Variants in MANSC1 observed in about 807,000 individuals in gnomAD.
MANSC1 encodes the protein MANSC domain-containing protein 1.
MANSC1 carries 13 observed loss-of-function variants against 14.1 expected under a neutral mutation model. The observed-to-expected ratio is 0.92, with a 90% CI of 0.60 to 1.46. MANSC1 has a LOEUF of 1.46. Among genes scored for constraint, MANSC1 ranks in the 40% most tolerant of loss-of-function variants. The pLI is 0.00. For synonymous variants in MANSC1, 227 were observed against 200.7 expected, an observed-to-expected ratio of 1.13 and a Z score of -1.11; for missense variants, 486 against 511.4, an observed-to-expected ratio of 0.95 and a Z score of 0.48.
Position 12,330,556 on chromosome 12 carries a change from G to A in MANSC1, c.767C>T (p.Pro256Leu). The A allele has an allele frequency of 1.9e-6, 3 of 1,614,196 alleles. No homozygotes were observed. Among genetic ancestry groups the A allele is most frequent in the South Asian group, 1.1e-5 (1 of 91,080 alleles). Residue 256 changes from proline (P) to leucine (L), a missense_variant, in exon 4 of 4, where the codon CCT becomes CTT. Transcript: ENST00000535902. ...TLLPTNASVT[P>L]SGTSQPQLAT... The stretch of plus-strand genomic sequence containing the variant: ...CAGCTGTGGCTGGGAAGTCCCAGAA[G>A]GTGTCACTGAAGCATTGGTGGGTAG...
intron 1 of MANSC1, among the ~76,000 whole-genome samples, chr12:12,344,455 C>T (rs1862977543): frequency 6.6e-6 from 1 of 151,402 alleles, no homozygotes; most frequent in Non-Finnish European, 1.5e-5. Context: ...GAGAGACTGG[C>T]CTGGCCTCCC....
At chr12:12,338,750 G>T in intron 2 of MANSC1, 190 bp from the exon 3 acceptor site, 1 of 615,344 alleles carries the variant, frequency 1.6e-6, no homozygotes, top group East Asian at 3.0e-5. Flanking sequence ...AAAAAACATT[G>T]GGTTTAGCTT....
intron 3 of MANSC1, among the ~76,000 whole-genome samples, chr12:12,333,000 TTCTAC>T (rs1862812172): frequency 6.6e-6 from 1 of 152,020 alleles, no homozygotes; most frequent in Non-Finnish European, 1.5e-5. Flanking sequence ...GGATATAGTA[TTCTAC>T]TCTAAAGTAG....
At chr12:12,332,494 A>C (rs1862802750) in intron 3 of MANSC1, among the ~76,000 whole-genome samples, 1 of 152,118 alleles carries the variant, frequency 6.6e-6, no homozygotes, top group Admixed American at 6.5e-5. Flanking sequence ...TATGACTTGC[A>C]AGCTAAGAAT....
intron 1 of MANSC1, among the ~76,000 whole-genome samples, chr12:12,349,512 G>A (rs1423797826): frequency 1.3e-5 from 2 of 152,192 alleles, no homozygotes; most frequent in African/African-American, 4.8e-5. Context: ...TTAAGGGCCT[G>A]AAGTCGAGTT....
At chr12:12,332,533 TG>T (rs1207353234) in intron 3 of MANSC1, among the ~76,000 whole-genome samples, 2 of 152,318 alleles carry the variant, frequency 1.3e-5, no homozygotes, top group East Asian at 3.9e-4. Flanking sequence ...AATTTTTATT[TG>T]TTTTGAGACA....
chr12:12,338,890 A>ACACACACAC (rs1555141160), intron 2 of MANSC1: 15 of 192,920 alleles, frequency 7.8e-5, no homozygotes, highest in East Asian at 1.7e-4. Flanking sequence ...CACACACACA[A>ACACACACAC]ACACACACAC....
At chr12:12,338,802 T>A in intron 2 of MANSC1, 1 of 554,878 alleles carries the variant, frequency 1.8e-6, no homozygotes, top group South Asian at 2.1e-5. Flanking sequence ...AGAAGGAAGC[T>A]CCTGTCCCTC....
chr12:12,349,544 T>A (rs1863050237), intron 1 of MANSC1, among the ~76,000 whole-genome samples: 1 of 152,146 alleles, frequency 6.6e-6, no homozygotes, highest in South Asian at 2.1e-4. Context: ...AAAGACGGGG[T>A]AAAAGGATAC....
chr12:12,342,584 G>GTTTTTTT (rs760560592), intron 2 of MANSC1, among the ~76,000 whole-genome samples: 91 of 41,592 alleles, frequency 2.2e-3, no homozygotes, highest in African/African-American at 6.1e-3. Flanking sequence ...GTGTTTTTTT[G>GTTTTTTT]TTTTTTTTTT....
intron 3 of MANSC1, among the ~76,000 whole-genome samples, chr12:12,331,743 C>G (rs1380467459): frequency 6.6e-6 from 1 of 152,140 alleles, no homozygotes; most frequent in Non-Finnish European, 1.5e-5. Context: ...AGGGTCTGGT[C>G]TCCGCTCTGA....
intron 1 of MANSC1, among the ~76,000 whole-genome samples, chr12:12,349,649 G>C (rs774422929): frequency 2.6e-5 from 4 of 152,130 alleles, no homozygotes; most frequent in Non-Finnish European, 4.4e-5. Context: ...ATTGGAAATC[G>C]TCTTACAGCA....
chr12:12,336,257 T>C (rs1270134637), intron 3 of MANSC1, among the ~76,000 whole-genome samples: 1 of 152,214 alleles, frequency 6.6e-6, no homozygotes, highest in East Asian at 1.9e-4. Flanking sequence ...GTCAACCAGC[T>C]GGGATTGGAG....
intron 1 of MANSC1, among the ~76,000 whole-genome samples, chr12:12,344,383 TG>T (rs1251767824): frequency 6.6e-6 from 1 of 151,724 alleles, no homozygotes; most frequent in Admixed American, 6.6e-5. Context: ...TGAATCTGGG[TG>T]GGCACAACCA....
At position 12,330,588 on chromosome 12, in the gene MANSC1, G is replaced by A; in HGVS notation, c.735C>T (p.Ala245=). The change falls in exon 4 of 4, where the codon GCC becomes GCT. Residue 245 remains alanine (A), a synonymous_variant. Coordinates refer to ENST00000535902, the MANE Select transcript of MANSC1 (RefSeq NM_018050.4). The stretch of plus-strand genomic sequence containing the variant: ...CTGAAGCATTGGTGGGTAGAAGGGT[G>A]GCGGGCTTTGGAGTAGCCGAGGTGG... ...PHTTSATPKP[A]TLLPTNASVT... 1 of 1,614,186 alleles carries A rather than the reference G, an allele frequency of 6.2e-7. No homozygotes were observed.
intron 1 of MANSC1, among the ~76,000 whole-genome samples, chr12:12,348,717 C>A (rs201919269): frequency 5.6e-3 from 755 of 134,480 alleles, no homozygotes; most frequent in East Asian, 9.2e-3. Flanking sequence ...AAGGTAAAAC[C>A]AAAAAAAAAA....
Position 12,338,454 on chromosome 12 carries a change from TGGTTTCAATGGACA to T in MANSC1, c.316_329del (p.Cys106SerfsTer77). 2.5e-6 allele frequency: 4 copies of T among 1,608,606 alleles called. No homozygotes were observed. Among genetic ancestry groups the T allele is most frequent in the Non-Finnish European group, 3.4e-6 (4 of 1,178,790 alleles). On this transcript the variant is annotated frameshift_variant, in exon 3 of 4. Coordinates refer to ENST00000535902, the MANE Select transcript of MANSC1 (RefSeq NM_018050.4). LOFTEE classifies it low-confidence loss of function (END_TRUNC). Reference sequence around the variant, plus strand: ...TCCTGTAACTCATAAGTCCTTTTGCTGGTTTCAATGGACAGGCTTCCTCGTTGGGACAGAAAAAT... The same window carrying T: ...TCCTGTAACTCATAAGTCCTTTTGCTGGCTTCCTCGTTGGGACAGAAAAAT...
intron 2 of MANSC1, among the ~76,000 whole-genome samples, chr12:12,341,260 A>G (rs149940205): frequency 5.9e-5 from 9 of 152,222 alleles, no homozygotes; most frequent in Non-Finnish European, 8.8e-5. Flanking sequence ...TTACTATTAC[A>G]GTTTATAATA....
At position 12,330,577 on chromosome 12, in the gene MANSC1, G is replaced by A. The variant is rs1358137796; in HGVS notation, c.746C>T (p.Pro249Leu). 2 of 1,614,084 alleles carry A rather than the reference G, an allele frequency of 1.2e-6. No homozygotes were observed. Among genetic ancestry groups the A allele is most frequent in the Non-Finnish European group, 1.7e-6 (2 of 1,180,044 alleles). Residue 249 changes from proline (P) to leucine (L), a missense_variant, in exon 4 of 4, where the codon CCC becomes CTC. Physicochemically the swap from Pro to Leu is moderately conservative, Grantham distance 98. Transcript: ENST00000535902. The stretch of plus-strand genomic sequence containing the variant: ...AGAAGGTGTCACTGAAGCATTGGTG[G>A]GTAGAAGGGTGGCGGGCTTTGGAGT... The part of the protein sequence containing the change: ...SATPKPATLL[P>L]TNASVTPSGT...
Sources: gnomAD v4.1 joint callset for allele counts (sites outside exome capture counted in the v4.1 genomes callset) on GRCh38, gnomAD v4.1.1 for gene constraint, MANE v1.5 for transcripts, NCBI Gene and HGNC (gene_info 2026-07-23, HGNC 2026-07-21) for gene names.